ADGRA3: variants seen among roughly 807,000 people sequenced by gnomAD.
ADGRA3 encodes adhesion G protein-coupled receptor A3.
A neutral mutation model predicts 119.8 loss-of-function variants in ADGRA3; 56 were observed. The observed-to-expected ratio is 0.47, with a 90% CI of 0.38 to 0.58. ADGRA3 has a LOEUF of 0.58. Ranked by LOEUF, ADGRA3 falls within the 20% of genes least tolerant of loss-of-function variation. The pLI is 0.00. For missense variants in ADGRA3, 1,516 were observed against 1,649.0 expected (o/e 0.92, Z 1.40); for synonymous variants, 607 against 623.8 (o/e 0.97, Z 0.40).
chr4:22,495,457 G>A (rs898989164), intron 1 of ADGRA3, among the ~76,000 whole-genome samples: 2 of 151,956 alleles, frequency 1.3e-5, no homozygotes, highest in Non-Finnish European at 2.9e-5. Context: ...CCATTTAACT[G>A]AAACCACAGA....
chr4:22,476,438 A>G lies in ADGRA3; in HGVS notation c.258-2595T>C, dbSNP rs540603538. 2.6e-3 allele frequency among the ~76,000 whole-genome samples: 391 copies of G among 152,286 alleles called. 2 individuals are homozygous for G. The highest frequency in any genetic ancestry group is 4.0e-3 in the Non-Finnish European group (269 of 68,026). On this transcript the variant is annotated intron_variant, in intron 1 of 18. Transcript: ENST00000334304. ...AAACAAATTATAATACATCCAAACA[A>G]CAAAATTGTATGCCTCCAATAAAAA...
At chr4:22,508,037 G>A (rs1719306727) in intron 1 of ADGRA3, among the ~76,000 whole-genome samples, 1 of 152,148 alleles carries the variant, frequency 6.6e-6, no homozygotes, top group African/African-American at 2.4e-5. Context: ...TCGTATCTCT[G>A]TTAGCATTAC....
At chr4:22,408,592 A>C (rs953595845) in intron 14 of ADGRA3, among the ~76,000 whole-genome samples, 1 of 152,196 alleles carries the variant, frequency 6.6e-6, no homozygotes. Context: ...AACTAGAATG[A>C]TACATCACAA....
chr4:22,474,036 G>C (rs182576304), intron 1 of ADGRA3, among the ~76,000 whole-genome samples, 193 bp from the exon 2 acceptor site: 31 of 152,290 alleles, frequency 2.0e-4, no homozygotes, highest in Non-Finnish European at 3.2e-4. Context: ...GTTTACTCAT[G>C]CATCTTGTCA....
intron 1 of ADGRA3, among the ~76,000 whole-genome samples, chr4:22,498,770 C>G (rs1218420845): frequency 1.3e-5 from 2 of 151,930 alleles, no homozygotes; most frequent in Non-Finnish European, 2.9e-5. Flanking sequence ...AAAAATTAGC[C>G]AGGCGTGGTG....
chr4:22,498,522 G>A (rs550106844), intron 1 of ADGRA3, among the ~76,000 whole-genome samples: 2 of 152,182 alleles, frequency 1.3e-5, no homozygotes, highest in East Asian at 3.9e-4. Context: ...GGAAGCTGAG[G>A]GAGAAGAATC....
At chr4:22,390,602 T>TA (rs1395753562) in intron 17 of ADGRA3, among the ~76,000 whole-genome samples, 1 of 151,808 alleles carries the variant, frequency 6.6e-6, no homozygotes, top group East Asian at 1.9e-4. Context: ...ACCATGATGC[T>TA]AAAAATGTCC....
intron 2 of ADGRA3, among the ~76,000 whole-genome samples, chr4:22,471,329 G>A (rs1717852196): frequency 6.6e-6 from 1 of 152,168 alleles, no homozygotes; most frequent in Admixed American, 6.5e-5. Flanking sequence ...AAGATGGGAG[G>A]AGGGAGAGAA....
At chr4:22,474,442 A>G (rs1717965826) in intron 1 of ADGRA3, among the ~76,000 whole-genome samples, 1 of 152,198 alleles carries the variant, frequency 6.6e-6, no homozygotes, top group Admixed American at 6.5e-5. Context: ...ATTAAATTGA[A>G]AACAAAAACT....
intron 1 of ADGRA3, among the ~76,000 whole-genome samples, chr4:22,483,294 G>T (rs551489941): frequency 6.6e-6 from 1 of 152,212 alleles, no homozygotes; most frequent in African/African-American, 2.4e-5. Context: ...AACAGAAAAG[G>T]TCCCACAACA....
intron 4 of ADGRA3, among the ~76,000 whole-genome samples, chr4:22,453,742 T>A (rs1717145403): frequency 6.6e-6 from 1 of 152,212 alleles, no homozygotes; most frequent in Non-Finnish European, 1.5e-5. Context: ...CTTCCTATTG[T>A]TTAGTCAGTT....
chr4:22,420,728 C>CTTCCTGGT (rs1715626905), intron 12 of ADGRA3, 158 bp downstream of exon 12: 2 of 691,632 alleles, frequency 2.9e-6, no homozygotes, highest in Admixed American at 2.7e-5. Context: ...TAATGCAGTT[C>CTTCCTGGT]TTCCTGGTTA....
intron 4 of ADGRA3, among the ~76,000 whole-genome samples, chr4:22,451,711 A>G (rs1213279088): frequency 6.6e-6 from 1 of 152,184 alleles, no homozygotes; most frequent in East Asian, 1.9e-4. Flanking sequence ...AGGTCTCATC[A>G]TCCCTTAGCC....
intron 16 of ADGRA3, among the ~76,000 whole-genome samples, chr4:22,395,614 C>G (rs1216414770): frequency 6.6e-6 from 1 of 152,158 alleles, no homozygotes; most frequent in African/African-American, 2.4e-5. Flanking sequence ...AAAGCCCTTG[C>G]CCTTTCTTCT....
At chr4:22,482,777 CTAA>C (rs1459265536) in intron 1 of ADGRA3, among the ~76,000 whole-genome samples, 4 of 152,214 alleles carry the variant, frequency 2.6e-5, no homozygotes, top group Non-Finnish European at 2.9e-5. Flanking sequence ...CACACACAGA[CTAA>C]ATGGCAGAGT....
rs767574676 is a variant in ADGRA3 at position 22,413,636 on chromosome 4, C to T, written c.1988G>A (p.Arg663His). The stretch of plus-strand genomic sequence containing the variant: ...GAGAATCACAGGGGTAACCACAGTA[C>T]GTCGTTTTCCATCATCAGCCAAATT... Reference protein sequence around the residue: ...STNLADDGKRRTVVTPVILTK... With the variant: ...STNLADDGKRHTVVTPVILTK... Residue 663 changes from arginine to histidine, a missense_variant, in exon 13 of 19, where the codon CGT (arginine) becomes CAT (histidine). By Grantham distance (29) the Arg-to-His change is conservative. Around this residue, in one of 2 missense-constraint regions of ADGRA3, gnomAD observed 1,088 missense variants for 1,107.1 expected, o/e 0.98. Coordinates refer to ENST00000334304, the MANE Select transcript of ADGRA3 (RefSeq NM_145290.4). The T allele has an allele frequency of 1.9e-5, 31 of 1,613,846 alleles. No individual in the cohort carries two copies. The highest frequency in any genetic ancestry group is 3.3e-5 in the South Asian group (3 of 91,088).
chr4:22,449,099 C>T (rs1459506370), intron 4 of ADGRA3, among the ~76,000 whole-genome samples: 3 of 151,750 alleles, frequency 2.0e-5, no homozygotes, highest in East Asian at 2.0e-4. Context: ...GGTGAAACTC[C>T]GTCTCTACTA....
intron 1 of ADGRA3, among the ~76,000 whole-genome samples, chr4:22,510,432 C>A (rs759818133): frequency 2.6e-5 from 4 of 152,068 alleles, no homozygotes; most frequent in Non-Finnish European, 4.4e-5. Context: ...GAGATTCTCC[C>A]CTGGTGCTCC....
chr4:22,390,191 A>C (rs1405332137), intron 17 of ADGRA3, among the ~76,000 whole-genome samples: 1 of 151,470 alleles, frequency 6.6e-6, no homozygotes, highest in African/African-American at 2.4e-5. Context: ...TTCCAAAATT[A>C]ATCTTGGGTC....
Sources: gnomAD v4.1 joint callset for allele counts (sites outside exome capture counted in the v4.1 genomes callset) on GRCh38, gnomAD v4.1.1 for gene constraint, gnomAD v4.1.1 regional missense constraint, MANE v1.5 for transcripts, NCBI Gene and HGNC (gene_info 2026-07-23, HGNC 2026-07-21) for gene names.